The following DAAM2 variants were observed in gnomAD, a reference collection of about 807,000 sequenced individuals.
DAAM2 encodes dishevelled associated activator of morphogenesis 2.
Under a neutral mutation model 120.7 loss-of-function variants are expected in DAAM2, and 39 were observed. That is an observed-to-expected ratio of 0.32 (90% CI 0.25 to 0.42). The LOEUF (loss-of-function observed/expected upper bound fraction) is 0.42, where lower values mean the gene tolerates loss of function less well. Ranked by LOEUF, DAAM2 falls within the 10% of genes least tolerant of loss-of-function variation. The probability of loss-of-function intolerance (pLI) is 1.00; values close to 1 mark genes in which losing one functional copy is unlikely to be tolerated. For synonymous variants in DAAM2, 488 were observed against 524.9 expected, an observed-to-expected ratio of 0.93 and a Z score of 0.96; for missense variants, 1,283 against 1,401.7, an observed-to-expected ratio of 0.92 and a Z score of 1.35.
rs547486278 is a variant in DAAM2, at chr6:39,904,772, T to C, written c.*2735T>C. 5 of 454,160 alleles carry C rather than the reference T, an allele frequency of 1.1e-5. No homozygotes were observed. In the East Asian group the frequency reaches 3.5e-4, roughly 32 times the overall value. 28.1% of individuals were successfully genotyped at this position (454,160 alleles called of 1,614,324 possible). A position where few individuals can be genotyped will look rare whatever the true frequency, so the allele number is the denominator to read the frequency against. On this transcript the variant is annotated 3_prime_UTR_variant, in exon 25 of 25. Transcript: ENST00000274867. The stretch of plus-strand genomic sequence containing the variant: ...AGCTGCCTCAGATGACAAATGAGGC[T>C]AATGGACATAATCTACAGTGTCCTT...
intron 19 of DAAM2, 52 bp downstream of exon 19, chr6:39,891,774 C>A: frequency 6.8e-7 from 1 of 1,462,132 alleles, no homozygotes; most frequent in South Asian, 1.2e-5. Context: ...CTGAGAAAGG[C>A]AGGGTGGGTG....
chr6:39,876,263 G>A (rs1764864121), intron 11 of DAAM2, among the ~76,000 whole-genome samples: 3 of 152,134 alleles, frequency 2.0e-5, no homozygotes, highest in Non-Finnish European at 4.4e-5. Context: ...ATGAGTTTGA[G>A]CCACTTGCCC....
intron 1 of DAAM2, among the ~76,000 whole-genome samples, chr6:39,831,946 ACTG>A (rs1762923601): frequency 1.9e-5 from 1 of 53,710 alleles, no homozygotes; most frequent in Non-Finnish European, 3.3e-5. Flanking sequence ...GGGCCGGGGC[ACTG>A]GAGGGTAGGT....
intron 19 of DAAM2, 124 bp from the exon 20 acceptor site, chr6:39,896,688 C>G: frequency 1.3e-6 from 1 of 754,952 alleles, no homozygotes; most frequent in Non-Finnish European, 2.0e-6. Flanking sequence ...CTCTGCCTCA[C>G]TGAGAGTTGA....
rs953625962 is a variant in DAAM2 at position 39,901,900 on chromosome 6, G to A, written c.3070G>A (p.Asp1024Asn). The change falls in exon 25 of 25, where the codon GAT (aspartate) becomes AAT (asparagine). Residue 1024 changes from aspartate to asparagine, a missense_variant. Physicochemically the swap from Asp to Asn is conservative, Grantham distance 23. Coordinates refer to ENST00000274867, the MANE Select transcript of DAAM2 (RefSeq NM_001201427.2). The surrounding 1 kb of genome is among the most constrained non-coding windows in gnomAD (Gnocchi z 4.5). ...CTCGCTGGAGGAGGGAGGAGAGTTC[G>A]ATGACCTGGTGTCGGCCCTGCGCTC... ...GSSLEEGGEFDDLVSALRSGE... is the reference protein window; with the variant it reads ...GSSLEEGGEFNDLVSALRSGE... The A allele has an allele frequency of 2.5e-6, 4 of 1,605,836 alleles. No individual in the cohort carries two copies. The highest frequency in any genetic ancestry group is 3.4e-5 in the Admixed American group (2 of 59,606).
At position 39,874,686 on chromosome 6, in the gene DAAM2, A is replaced by G. The variant is rs112808978; in HGVS notation, c.1163-644A>G. On this transcript the variant is annotated intron_variant, in intron 10 of 24. Transcript: ENST00000274867. ...AGGAAAGAGAGTTTGTGGTTATTACATAAAAAGGAAGTCCATGTCCAGCCA... is the reference window on the plus strand; with the variant it reads ...AGGAAAGAGAGTTTGTGGTTATTACGTAAAAAGGAAGTCCATGTCCAGCCA... Among the ~76,000 whole-genome samples, 1,178 of 152,370 alleles carry G rather than the reference A, an allele frequency of 7.7e-3. 11 individuals carry two copies. The highest frequency in any genetic ancestry group is 0.02 in the Middle Eastern group (6 of 294).
intron 1 of DAAM2, among the ~76,000 whole-genome samples, chr6:39,840,908 G>A (rs564603399): frequency 3.0e-4 from 45 of 151,652 alleles, no homozygotes; most frequent in Admixed American, 3.0e-3. Flanking sequence ...GAGGAGGAAG[G>A]GTGGCCGGGA....
chr6:39,828,573 T>TTTTTTTTTTTC (rs1762763683), intron 1 of DAAM2, among the ~76,000 whole-genome samples: 1 of 150,598 alleles, frequency 6.6e-6, no homozygotes, highest in Admixed American at 6.6e-5. Context: ...CCTCCGTCTT[T>TTTTTTTTTTTC]TTTTTTTTGA....
chr6:39,870,452 C>A lies in DAAM2; in HGVS notation c.977+9C>A, dbSNP rs747434941. On this transcript the variant is annotated intron_variant, in intron 8 of 24. Coordinates refer to ENST00000274867, the MANE Select transcript of DAAM2 (RefSeq NM_001201427.2). ...AATGCCATCCTGGACAAGTAAGTTC[C>A]AAGCACCCGTCTCCATTGCAAACCT... 108 of 1,533,518 alleles carry A rather than the reference C, an allele frequency of 7.0e-5. No homozygotes were observed. Among genetic ancestry groups the A allele is most frequent in the Non-Finnish European group, 9.6e-5 (108 of 1,125,650 alleles). The allele number at this position is 1,533,518 out of a possible 1,614,324, so 95.0% of individuals were successfully genotyped here. A position where few individuals can be genotyped will look rare whatever the true frequency, so the allele number is the denominator to read the frequency against.
At chr6:39,859,836 A>G (rs1438425291) in intron 2 of DAAM2, among the ~76,000 whole-genome samples, 5 of 152,194 alleles carry the variant, frequency 3.3e-5, no homozygotes, top group Admixed American at 2.6e-4. Context: ...TGAGAGAATA[A>G]AGTCTTAATA....
At chr6:39,801,072 T>A (rs138935787) in intron 1 of DAAM2, among the ~76,000 whole-genome samples, 87 of 152,364 alleles carry the variant, frequency 5.7e-4, no homozygotes, top group African/African-American at 1.5e-3. Context: ...CATGGGGTTG[T>A]TGAGACAATT....
At chr6:39,895,223 T>TTTAC (rs1207097185) in intron 19 of DAAM2, among the ~76,000 whole-genome samples, 17 of 124,922 alleles carry the variant, frequency 1.4e-4, no homozygotes, top group African/African-American at 6.6e-4. Flanking sequence ...TACAACTTTA[T>TTTAC]TTACTTATTT....
Position 39,865,073 on chromosome 6 carries a change from A to T in DAAM2, c.427A>T (p.Arg143Trp). ...GACAGCCCTCCGGACACAGCCTATG[A>T]GGTAATTCAGTTTCCCCCTCTTGCT... ...LKTALRTQPM[R>W]FVTRFIELEG... The change falls in exon 5 of 25, where the codon AGG (arginine) becomes TGG (tryptophan). Residue 143 changes from arginine to tryptophan, a missense_variant and splice_region_variant. Transcript: ENST00000274867. 1.3e-6 allele frequency: 2 copies of T among 1,530,906 alleles called. No individual in the cohort carries two copies. Among genetic ancestry groups the T allele is most frequent in the Non-Finnish European group, 1.8e-6 (2 of 1,113,760 alleles). 94.8% of individuals were successfully genotyped at this position (1,530,906 alleles called of 1,614,324 possible). A position where few individuals can be genotyped will look rare whatever the true frequency, so the allele number is the denominator to read the frequency against.
chr6:39,901,568 G>T lies in DAAM2; in HGVS notation c.2982+96G>T. On this transcript the variant is annotated intron_variant, in intron 24 of 24. Coordinates refer to ENST00000274867, the MANE Select transcript of DAAM2 (RefSeq NM_001201427.2). The surrounding 1 kb of genome is among the most constrained non-coding windows in gnomAD (Gnocchi z 4.5). ...GGTGTGTGGGAGGAGGGCAGAGACT[G>T]AGGAACTGAGGAACACCATAGGGGT... 1 of 1,305,998 alleles carries T rather than the reference G, an allele frequency of 7.7e-7. No individual in the cohort carries two copies. Among genetic ancestry groups the T allele is most frequent in the East Asian group, 2.4e-5 (1 of 41,962 alleles). 80.9% of individuals were successfully genotyped at this position (1,305,998 alleles called of 1,614,324 possible).
chr6:39,807,835 A>AT (rs1357046832), intron 1 of DAAM2, among the ~76,000 whole-genome samples: 1 of 152,148 alleles, frequency 6.6e-6, no homozygotes, highest in Admixed American at 6.5e-5. Context: ...TATTATTTAT[A>AT]TTTTTTAGAT....
intron 4 of DAAM2, 115 bp from the exon 5 acceptor site, chr6:39,864,865 A>G: frequency 1.5e-6 from 2 of 1,333,920 alleles, no homozygotes; most frequent in African/African-American, 1.5e-5. Context: ...GGTCTCAGTA[A>G]ACCATTCCCT....
intron 8 of DAAM2, among the ~76,000 whole-genome samples, chr6:39,871,077 C>T (rs1764641134): frequency 1.3e-5 from 2 of 152,212 alleles, no homozygotes; most frequent in Admixed American, 6.5e-5. Context: ...GGAAAATAGA[C>T]CAGGGCTGAT....
At chr6:39,882,456 C>A (rs113894258) in intron 14 of DAAM2, 2,350 of 152,212 alleles carry the variant, frequency 0.015, 26 homozygotes, top group Non-Finnish European at 0.027. Flanking sequence ...CCCAGCCTCA[C>A]CAAGAATAGA....
At chr6:39,851,535 C>A (rs1298895949) in intron 1 of DAAM2, among the ~76,000 whole-genome samples, 1 of 152,188 alleles carries the variant, frequency 6.6e-6, no homozygotes, top group African/African-American at 2.4e-5. Context: ...GAGGGATAAA[C>A]ACTGATGATA....
Sources: gnomAD v4.1 joint callset for allele counts (sites outside exome capture counted in the v4.1 genomes callset) on GRCh38, gnomAD v4.1.1 for gene constraint, Gnocchi (gnomAD v3.1) non-coding constraint, MANE v1.5 for transcripts, NCBI Gene and HGNC (gene_info 2026-07-23, HGNC 2026-07-21) for gene names.